Variants in MEIS1 observed in about 807,000 individuals in gnomAD.
MEIS1 encodes homeobox protein Meis1.
A neutral mutation model predicts 50.8 loss-of-function variants in MEIS1; 5 were observed. That is an observed-to-expected ratio of 0.10 (90% confidence interval 0.05 to 0.21). The LOEUF is 0.21. Among genes scored for constraint, MEIS1 ranks in the 10% least tolerant of loss-of-function variants. The pLI, the probability that MEIS1 is intolerant of heterozygous loss-of-function variation, is 1.00. For missense variants in MEIS1, 318 were observed against 517.3 expected, an observed-to-expected ratio of 0.61 and a Z score of 3.74; for synonymous variants, 176 against 179.3, an observed-to-expected ratio of 0.98 and a Z score of 0.15.
intron 9 of MEIS1, among the ~76,000 whole-genome samples, chr2:66,550,045 G>A (rs1287235172): frequency 6.6e-6 from 1 of 152,198 alleles, no homozygotes; most frequent in African/African-American, 2.4e-5. Context: ...AACCAGAAGG[G>A]AGAGAAAGGA....
intron 8 of MEIS1, among the ~76,000 whole-genome samples, chr2:66,538,767 A>T (rs1460700187): frequency 6.6e-6 from 1 of 152,204 alleles, no homozygotes; most frequent in Admixed American, 6.5e-5. Context: ...GGCGAAACAC[A>T]CACCCCAATT....
At chr2:66,504,160 T>A (rs1322252742) in intron 7 of MEIS1, among the ~76,000 whole-genome samples, 1 of 152,034 alleles carries the variant, frequency 6.6e-6, no homozygotes, top group Non-Finnish European at 1.5e-5. Context: ...TTCCTTTAGG[T>A]TTCTGTGATG....
chr2:66,446,304 A>G (rs533071570), intron 6 of MEIS1, among the ~76,000 whole-genome samples: 2 of 152,312 alleles, frequency 1.3e-5, no homozygotes, highest in East Asian at 3.9e-4. Flanking sequence ...GCCGCACTCC[A>G]GGAAGGAGCA....
intron 7 of MEIS1, among the ~76,000 whole-genome samples, chr2:66,502,587 C>T (rs1673584193): frequency 2.0e-5 from 3 of 152,048 alleles, no homozygotes; most frequent in Non-Finnish European, 1.5e-5. Flanking sequence ...AAGCCTGAAA[C>T]GATGGACATT....
intron 7 of MEIS1, among the ~76,000 whole-genome samples, chr2:66,477,519 G>A (rs1275797327): frequency 6.6e-6 from 1 of 152,168 alleles, no homozygotes; most frequent in African/African-American, 2.4e-5. Flanking sequence ...ACCTGTTCCT[G>A]AGGATGGCTT....
chr2:66,449,036 A>G (rs1480918655), intron 6 of MEIS1, among the ~76,000 whole-genome samples: 1 of 152,134 alleles, frequency 6.6e-6, no homozygotes, highest in Non-Finnish European at 1.5e-5. Flanking sequence ...ATTTTTTGCC[A>G]TTTCTCCTGA....
intron 7 of MEIS1, among the ~76,000 whole-genome samples, chr2:66,500,456 G>T (rs941548363): frequency 8.5e-5 from 13 of 152,070 alleles, no homozygotes; most frequent in Admixed American, 8.5e-4. Context: ...ATGGAGTCTC[G>T]CTCTGTTACC....
At chr2:66,554,012 C>T (rs1176601695) in intron 9 of MEIS1, among the ~76,000 whole-genome samples, 1 of 152,168 alleles carries the variant, frequency 6.6e-6, no homozygotes, top group African/African-American at 2.4e-5. Context: ...CACTGTTTCT[C>T]CTCCAGCCAG....
chr2:66,569,118 A>C lies in MEIS1; in HGVS notation c.*10A>C. ...GTGGCACTACATGTAACCTTCATCT[A>C]GTTAACCAATCGCAAAGCAAGGGGG... On this transcript the variant is annotated 3_prime_UTR_variant, in exon 12 of 13. Transcript: ENST00000272369. 4 of 1,612,698 alleles carry C rather than the reference A, an allele frequency of 2.5e-6. No homozygotes were observed. The highest frequency in any genetic ancestry group is 3.4e-6 in the Non-Finnish European group (4 of 1,179,510).
intron 10 of MEIS1, chr2:66,567,942 A>C (rs1330153624): frequency 3.1e-6 from 1 of 327,574 alleles, no homozygotes. Flanking sequence ...GTTCAAAGAC[A>C]TTCAATGAGG....
chr2:66,442,640 G>A (rs771220178), intron 5 of MEIS1: 11 of 397,454 alleles, frequency 2.8e-5, no homozygotes, highest in Non-Finnish European at 4.8e-5. Context: ...AGCCCCAGGA[G>A]CAGATGAATT....
intron 9 of MEIS1, chr2:66,562,244 G>A (rs1675238266): frequency 6.6e-6 from 1 of 151,470 alleles, no homozygotes; most frequent in East Asian, 1.9e-4. Context: ...TAGCAATTCA[G>A]TTTTGGGGGA....
chr2:66,550,709 G>T (rs1018790331), intron 9 of MEIS1, among the ~76,000 whole-genome samples: 10 of 151,986 alleles, frequency 6.6e-5, no homozygotes, highest in African/African-American at 2.4e-4. Context: ...TGTTGCCCAG[G>T]CTGGTCTCTA....
intron 8 of MEIS1, among the ~76,000 whole-genome samples, chr2:66,514,974 A>C (rs1455320696): frequency 6.6e-6 from 1 of 152,200 alleles, no homozygotes; most frequent in African/African-American, 2.4e-5. Context: ...GTCTAAATGT[A>C]AGTAACCACT....
intron 9 of MEIS1, among the ~76,000 whole-genome samples, chr2:66,557,210 G>A (rs1675088828): frequency 6.6e-6 from 1 of 152,102 alleles, no homozygotes; most frequent in African/African-American, 2.4e-5. Context: ...TAGAGGCAGG[G>A]CTAGGACTGG....
chr2:66,494,157 TCTCA>T (rs1307632227), intron 7 of MEIS1, among the ~76,000 whole-genome samples: 1 of 152,206 alleles, frequency 6.6e-6, no homozygotes, highest in Non-Finnish European at 1.5e-5. Flanking sequence ...TTCTCAGCCT[TCTCA>T]CTCCTTTCAA....
chr2:66,524,561 A>G (rs1674202100), intron 8 of MEIS1, among the ~76,000 whole-genome samples: 1 of 152,074 alleles, frequency 6.6e-6, no homozygotes, highest in Non-Finnish European at 1.5e-5. Flanking sequence ...CCTGTCTCAA[A>G]ATGAATAAAT....
intron 6 of MEIS1, among the ~76,000 whole-genome samples, chr2:66,443,952 G>A (rs1330129143): frequency 1.3e-5 from 2 of 152,102 alleles, no homozygotes; most frequent in Non-Finnish European, 2.9e-5. Context: ...ATTGCTGTGG[G>A]GATTTCTCTC....
chr2:66,558,201 C>T (rs532808362), intron 9 of MEIS1, among the ~76,000 whole-genome samples: 13 of 134,978 alleles, frequency 9.6e-5, no homozygotes, highest in East Asian at 6.9e-4. Flanking sequence ...ATCGCTTGAA[C>T]GCATAAGGCA....
Sources: allele counts gnomAD v4.1 joint callset (sites outside exome capture counted in the v4.1 genomes callset), GRCh38; gene constraint gnomAD v4.1.1; transcripts MANE v1.5; gene names NCBI Gene and HGNC (gene_info 2026-07-23, HGNC 2026-07-21).